Variants in NEK1 observed in about 807,000 individuals in gnomAD.
NEK1 encodes the protein NIMA related kinase 1, also known as serine/threonine-protein kinase Nek1.
Under a neutral mutation model 182.1 loss-of-function variants are expected in NEK1, and 137 were observed. The ratio of observed to expected loss-of-function variants is 0.75; its 90% CI spans 0.65 to 0.87. The LOEUF (loss-of-function observed/expected upper bound fraction) is 0.87. Among genes scored for constraint, NEK1 ranks in the 40% least tolerant of loss-of-function variants. The probability of loss-of-function intolerance (pLI) is 0.00; values close to 1 mark genes in which losing one functional copy is unlikely to be tolerated. For missense variants in NEK1, 1,391 were observed against 1,494.4 expected (o/e 0.93, Z 1.14); for synonymous variants, 513 against 492.2 (o/e 1.04, Z -0.56).
At chr4:169,495,765 T>G (rs1751127476) in intron 23 of NEK1, among the ~76,000 whole-genome samples, 1 of 152,226 alleles carries the variant, frequency 6.6e-6, no homozygotes, top group African/African-American at 2.4e-5. Flanking sequence ...GGTCTATACC[T>G]CTGCTTTGGT....
intron 9 of NEK1, among the ~76,000 whole-genome samples, 152 bp from the exon 10 acceptor site, chr4:169,585,701 A>T (rs929075922): frequency 2.6e-5 from 4 of 152,234 alleles, no homozygotes; most frequent in African/African-American, 9.6e-5. Flanking sequence ...AGCAAAGTTT[A>T]CTTGGTTATC....
chr4:169,569,423 TCTCC>T (rs1440523641), intron 12 of NEK1, among the ~76,000 whole-genome samples: 3 of 150,304 alleles, frequency 2.0e-5, no homozygotes, highest in Non-Finnish European at 4.4e-5. Flanking sequence ...ATAAAAGCTC[TCTCC>T]CTCTCCCTCT....
chr4:169,465,442 G>A (rs576950261), intron 26 of NEK1, among the ~76,000 whole-genome samples: 1 of 152,180 alleles, frequency 6.6e-6, no homozygotes, highest in South Asian at 2.1e-4. Flanking sequence ...GCTAGTGTTT[G>A]CAAGATAGGA....
At chr4:169,487,549 T>G (rs1429664618) in intron 23 of NEK1, among the ~76,000 whole-genome samples, 1 of 152,238 alleles carries the variant, frequency 6.6e-6, no homozygotes, top group African/African-American at 2.4e-5. Context: ...GTGTTTTCTT[T>G]ATCCAGTCTA....
intron 12 of NEK1, among the ~76,000 whole-genome samples, chr4:169,563,470 TATTTA>T (rs1321569012): frequency 6.6e-6 from 1 of 152,210 alleles, no homozygotes; most frequent in East Asian, 1.9e-4. Context: ...CAGGCCACTT[TATTTA>T]ATTTATTAAT....
Position 169,552,708 on chromosome 4 carries a change from A to G in NEK1, c.1562+3012T>C, listed in dbSNP as rs532404210. On this transcript the variant is annotated intron_variant, in intron 18 of 35. Coordinates refer to ENST00000507142, the MANE Select transcript of NEK1 (RefSeq NM_001199397.3). Reference sequence around the variant, plus strand: ...GTAGAAAATTCAAAAGAAACACCAAAACCCCTCTCAAAAAAAGTGATGATA... The same window carrying G: ...GTAGAAAATTCAAAAGAAACACCAAGACCCCTCTCAAAAAAAGTGATGATA... 6.6e-5 allele frequency among the ~76,000 whole-genome samples: 10 copies of G among 152,246 alleles called. No individual in the cohort carries two copies. In the South Asian group the frequency reaches 2.1e-3, roughly 32 times the overall value.
chr4:169,528,229 T>C (rs1757174583), intron 19 of NEK1, among the ~76,000 whole-genome samples: 1 of 152,144 alleles, frequency 6.6e-6, no homozygotes. Flanking sequence ...CCTGTAATTG[T>C]CACATTATAT....
intron 23 of NEK1, among the ~76,000 whole-genome samples, chr4:169,500,063 C>T (rs1217117520): frequency 1.3e-5 from 2 of 151,808 alleles, no homozygotes; most frequent in East Asian, 1.9e-4. Context: ...TTGAGCTTCC[C>T]GGCCACTTTG....
intron 2 of NEK1, among the ~76,000 whole-genome samples, chr4:169,605,763 T>G (rs2150152746): frequency 6.6e-6 from 1 of 152,282 alleles, no homozygotes; most frequent in South Asian, 2.1e-4. Context: ...CAATACCAAC[T>G]TTACTCACTC....
chr4:169,512,550 C>T (rs1408501473), intron 19 of NEK1, among the ~76,000 whole-genome samples: 1 of 151,938 alleles, frequency 6.6e-6, no homozygotes, highest in Non-Finnish European at 1.5e-5. Flanking sequence ...TTCTCTCAAC[C>T]TGTAATTTGT....
chr4:169,559,800 G>C (rs1213783167), intron 16 of NEK1, among the ~76,000 whole-genome samples: 1 of 152,034 alleles, frequency 6.6e-6, no homozygotes, highest in African/African-American at 2.4e-5. Flanking sequence ...ACCTGAGGTC[G>C]GGAGTTCGAG....
chr4:169,400,070 T>G (rs764896553), intron 35 of NEK1, 155 bp downstream of exon 35: 2 of 771,014 alleles, frequency 2.6e-6, no homozygotes, highest in Non-Finnish European at 4.5e-6. Context: ...TCAGTAAAAG[T>G]ACATGACAAA....
In NEK1 at chr4:169,400,623, T is replaced by C. The variant is rs376870683; in HGVS notation, c.3612A>G (p.Glu1204=). 5.6e-5 allele frequency: 89 copies of C among 1,598,482 alleles called. No individual in the cohort carries two copies. Among genetic ancestry groups the C allele is most frequent in the Non-Finnish European group, 6.8e-5 (80 of 1,172,122 alleles). ...GGTTAAAGACACTATCGCATTCACA[T>C]TCACTAGCAATTTCACCATCACTGT... ...SDNSDGEIAS[E]CECDSVFNHL... is the part of the protein sequence containing the mutation. The change falls in exon 34 of 36, where the codon GAA becomes GAG. Residue 1204 remains glutamate, a synonymous_variant. Transcript: ENST00000507142.
intron 23 of NEK1, among the ~76,000 whole-genome samples, chr4:169,486,779 A>C (rs76485730): frequency 1.2e-4 from 18 of 152,242 alleles, no homozygotes. Context: ...GCGTGCATGG[A>C]AAGTCTAAAA....
intron 19 of NEK1, among the ~76,000 whole-genome samples, chr4:169,528,165 G>A (rs144168057): frequency 1.9e-3 from 285 of 152,200 alleles, no homozygotes; most frequent in African/African-American, 6.7e-3. Context: ...GTGTGGGGAG[G>A]ACCTGTGATT....
chr4:169,544,136 A>T (rs1326160306), intron 18 of NEK1, among the ~76,000 whole-genome samples: 3 of 152,038 alleles, frequency 2.0e-5, no homozygotes, highest in African/African-American at 7.2e-5. Context: ...AGCTCTTATT[A>T]AGATCTGTTC....
rs1229386173 is a variant in NEK1 at position 169,612,532 on chromosome 4, G to A, written c.-483C>T. 1.3e-5 allele frequency: 2 copies of A among 152,322 alleles called. No homozygotes were observed. The highest frequency in any genetic ancestry group is 4.8e-5 in the African/African-American group (2 of 41,390). The allele number at this position is 152,322 out of a possible 1,614,324, so 9.4% of individuals were successfully genotyped here. ...ATGGGGACAACTGCTCGAGAGGCCAGGGTAGGGTAAGGACTCCGCAACCTA... is the reference window on the plus strand; with the variant it reads ...ATGGGGACAACTGCTCGAGAGGCCAAGGTAGGGTAAGGACTCCGCAACCTA... On this transcript the variant is annotated 5_prime_UTR_variant, in exon 1 of 36. Coordinates refer to ENST00000507142, the MANE Select transcript of NEK1 (RefSeq NM_001199397.3).
chr4:169,537,987 A>C, intron 18 of NEK1, 76 bp from the exon 19 acceptor site: 1 of 1,073,274 alleles, frequency 9.3e-7, no homozygotes, highest in Non-Finnish European at 1.3e-6. Flanking sequence ...CATTTATCCT[A>C]AATTTTTTTT....
intron 31 of NEK1, among the ~76,000 whole-genome samples, chr4:169,410,658 C>T (rs943525441): frequency 6.6e-6 from 1 of 152,130 alleles, no homozygotes; most frequent in Admixed American, 6.5e-5. Flanking sequence ...AGGAACACTT[C>T]CCAAAGACAA....
Sources: allele counts gnomAD v4.1 joint callset (sites outside exome capture counted in the v4.1 genomes callset), GRCh38; gene constraint gnomAD v4.1.1; transcripts MANE v1.5; gene names NCBI Gene and HGNC (gene_info 2026-07-23, HGNC 2026-07-21).